SMOC1: variants seen among roughly 807,000 people sequenced by gnomAD.
SMOC1 encodes SPARC-related modular calcium-binding protein 1.
A neutral mutation model predicts 56.3 loss-of-function variants in SMOC1; 22 were observed. The observed-to-expected ratio is 0.39, with a 90% confidence interval of 0.28 to 0.56. The LOEUF (loss-of-function observed/expected upper bound fraction) is 0.56, where lower values mean the gene tolerates loss of function less well. Among genes scored for constraint, SMOC1 ranks in the 20% least tolerant of loss-of-function variants. The pLI, the probability that SMOC1 is intolerant of heterozygous loss-of-function variation, is 0.61. For missense variants in SMOC1, 509 were observed against 565.4 expected, an observed-to-expected ratio of 0.90 and a Z score of 1.01; for synonymous variants, 193 against 215.0, an observed-to-expected ratio of 0.90 and a Z score of 0.89.
intron 3 of SMOC1, among the ~76,000 whole-genome samples, chr14:69,970,899 A>C: frequency 6.6e-6 from 1 of 152,220 alleles, no homozygotes. Flanking sequence ...GTTGGCCTGA[A>C]ATATACCACT....
chr14:69,974,510 A>G (rs1883886244), intron 3 of SMOC1, among the ~76,000 whole-genome samples: 1 of 152,122 alleles, frequency 6.6e-6, no homozygotes, highest in Non-Finnish European at 1.5e-5. Flanking sequence ...GCATGAAATG[A>G]GGCTACGGAA....
intron 5 of SMOC1, among the ~76,000 whole-genome samples, chr14:69,990,927 A>G (rs227423): frequency 0.44 from 66,731 of 151,480 alleles, 15,975 homozygotes; most frequent in African/African-American, 0.63. Flanking sequence ...TCAGCCTCTA[A>G]CAAGGGTTAG....
intron 1 of SMOC1, among the ~76,000 whole-genome samples, chr14:69,883,894 T>G: frequency 9.1e-6 from 1 of 109,322 alleles, no homozygotes; most frequent in Non-Finnish European, 1.9e-5. Context: ...TGAGCATTTT[T>G]TTTTTTTTTT....
rs550870369 is a variant in SMOC1, at chr14:70,023,989, G to A, written c.1291+542G>A. 7.9e-5 allele frequency among the ~76,000 whole-genome samples: 12 copies of A among 152,218 alleles called. No individual in the cohort carries two copies. In the South Asian group the frequency reaches 2.5e-3, roughly 32 times the overall value. On this transcript the variant is annotated intron_variant, in intron 11 of 11. Transcript: ENST00000361956. The stretch of plus-strand genomic sequence containing the variant: ...CATCTCCATCCTCAGTCAACCAGAT[G>A]GAGTAGACATGAAGCAGTGCATGTG...
chr14:69,998,485 T>C (rs192988054), intron 7 of SMOC1, among the ~76,000 whole-genome samples: 28 of 152,242 alleles, frequency 1.8e-4, no homozygotes, highest in Admixed American at 5.2e-4. Context: ...ATATACCTAG[T>C]GTTTAAAATA....
chr14:69,902,026 G>A (rs531230741), intron 1 of SMOC1, among the ~76,000 whole-genome samples: 2 of 152,314 alleles, frequency 1.3e-5, no homozygotes, highest in South Asian at 2.1e-4. Flanking sequence ...CAGTTCTAGG[G>A]TGAATGCATG....
Position 69,879,782 on chromosome 14 carries a change from GTGCGCCCCCAGCTT to G in SMOC1, c.99+13_99+26del. ...CACCGCACCACAGGCCCCAGGGTAA[GTGCGCCCCCAGCTT>G]TGCGCCCACCTGCGGAGGGAGGGGA... On this transcript the variant is annotated splice_donor_region_variant and intron_variant, in intron 1 of 11. Transcript: ENST00000361956. 6.3e-7 allele frequency: 1 copy of G among 1,584,244 alleles called. No individual in the cohort carries two copies. Among genetic ancestry groups the G allele is most frequent in the Non-Finnish European group, 8.5e-7 (1 of 1,172,298 alleles).
intron 7 of SMOC1, among the ~76,000 whole-genome samples, chr14:69,996,246 T>A (rs889386286): frequency 2.6e-5 from 4 of 152,244 alleles, no homozygotes; most frequent in African/African-American, 7.2e-5. Flanking sequence ...AGCACTGTCA[T>A]AATAGCTACT....
chr14:69,951,017 G>A (rs1029836138), intron 1 of SMOC1, among the ~76,000 whole-genome samples: 7 of 152,198 alleles, frequency 4.6e-5, no homozygotes, highest in African/African-American at 1.4e-4. Context: ...TTAGATGACA[G>A]CTGGGACTAG....
At chr14:69,900,228 A>C (rs1884206591) in intron 1 of SMOC1, among the ~76,000 whole-genome samples, 1 of 152,132 alleles carries the variant, frequency 6.6e-6, no homozygotes, top group South Asian at 2.1e-4. Flanking sequence ...GGAAGCAGCC[A>C]CCCAACTACC....
chr14:69,953,578 A>G, intron 3 of SMOC1, 46 bp downstream of exon 3: 2 of 1,537,440 alleles, frequency 1.3e-6, no homozygotes, highest in Non-Finnish European at 1.8e-6. Context: ...GGACCGAGGC[A>G]GAGGGGAGGT....
chr14:69,975,667 T>C (rs1217463382), intron 3 of SMOC1, 48 bp from the exon 4 acceptor site: 2 of 1,379,714 alleles, frequency 1.4e-6, no homozygotes, highest in Middle Eastern at 4.4e-4. Context: ...AGTCTTGATA[T>C]TGTGACCGAG....
chr14:69,961,267 A>G (rs1234637775), intron 3 of SMOC1, among the ~76,000 whole-genome samples: 1 of 69,058 alleles, frequency 1.4e-5, no homozygotes, highest in Non-Finnish European at 2.6e-5. Flanking sequence ...GCAATATTCT[A>G]TTGTGTATAT....
intron 1 of SMOC1, among the ~76,000 whole-genome samples, chr14:69,897,074 T>C (rs901420571): frequency 2.0e-5 from 3 of 152,214 alleles, no homozygotes; most frequent in Non-Finnish European, 4.4e-5. Flanking sequence ...GACTGTTCGA[T>C]ATGTTCCCAG....
intron 5 of SMOC1, among the ~76,000 whole-genome samples, chr14:69,986,124 G>A (rs891820012): frequency 2.0e-5 from 3 of 152,184 alleles, no homozygotes; most frequent in African/African-American, 7.2e-5. Flanking sequence ...GATCTCAAGG[G>A]CATTATGCAA....
chr14:69,971,840 A>C (rs949046253), intron 3 of SMOC1, among the ~76,000 whole-genome samples: 2 of 152,206 alleles, frequency 1.3e-5, no homozygotes, highest in Non-Finnish European at 2.9e-5. Flanking sequence ...TCTTCCACCC[A>C]AACCTTTGCA....
chr14:69,978,171 C>T (rs1884038823), intron 5 of SMOC1: 2 of 624,402 alleles, frequency 3.2e-6, no homozygotes, highest in African/African-American at 1.8e-5. Context: ...CCAGATTTCC[C>T]AAGGGAGGTG....
rs1885797032 is a variant in SMOC1, at chr14:70,023,250, A to C, written c.1094A>C (p.His365Pro). 6.2e-7 allele frequency: 1 copy of C among 1,613,990 alleles called. No homozygotes were observed. The highest frequency in any genetic ancestry group is 1.3e-5 in the African/African-American group (1 of 74,878). Residue 365 changes from histidine to proline, a missense_variant, in exon 11 of 12, where the codon CAC becomes CCC. By Grantham distance (77) the His-to-Pro change is moderately conservative. Coordinates refer to ENST00000361956, the MANE Select transcript of SMOC1 (RefSeq NM_001034852.3). ...PSHTLEERVV[H>P]WYFSQLDSNS... ...CACACCCTGGAGGAGCGGGTAGTGC[A>C]CTGGTATTTCAGCCAGCTGGACAGC...
intron 1 of SMOC1, among the ~76,000 whole-genome samples, chr14:69,883,879 G>C (rs1883714657): frequency 1.5e-5 from 2 of 131,684 alleles, no homozygotes; most frequent in Admixed American, 1.6e-4. Context: ...GATGATTAGT[G>C]ATGTTGAGCA....
Sources: gnomAD v4.1 joint callset for allele counts (sites outside exome capture counted in the v4.1 genomes callset) on GRCh38, gnomAD v4.1.1 for gene constraint, MANE v1.5 for transcripts, NCBI Gene and HGNC (gene_info 2026-07-23, HGNC 2026-07-21) for gene names.